ITGBL1: variants seen among roughly 807,000 people sequenced by gnomAD.
The protein encoded by ITGBL1 is integrin subunit beta like 1.
In ITGBL1, 51 loss-of-function variants were observed where a neutral mutation model predicts 68.5. The ratio of observed to expected loss-of-function variants is 0.74; its 90% CI spans 0.59 to 0.94. The LOEUF is 0.94. Among genes scored for constraint, ITGBL1 ranks in the 40% least tolerant of loss-of-function variants. The pLI is 0.00. For missense variants in ITGBL1, 649 were observed against 647.4 expected, an observed-to-expected ratio of 1.00 and a Z score of -0.03; for synonymous variants, 209 against 227.3, an observed-to-expected ratio of 0.92 and a Z score of 0.72.
At chr13:101,479,377 C>T (rs984480918) in intron 2 of ITGBL1, among the ~76,000 whole-genome samples, 13 of 152,006 alleles carry the variant, frequency 8.6e-5, no homozygotes, top group African/African-American at 2.9e-4. Context: ...GTTGAGGAAA[C>T]TCTCTAGGAC....
intron 2 of ITGBL1, among the ~76,000 whole-genome samples, chr13:101,486,566 C>T (rs7325940): frequency 0.24 from 36,486 of 151,944 alleles, 4,840 homozygotes; most frequent in East Asian, 0.47. Flanking sequence ...TGGGGAAAAA[C>T]ACAGGAGAGC....
chr13:101,705,944 G>C (rs1004716889), intron 8 of ITGBL1, among the ~76,000 whole-genome samples: 1 of 152,226 alleles, frequency 6.6e-6, no homozygotes, highest in African/African-American at 2.4e-5. Flanking sequence ...GATTCAGAGA[G>C]ACCCTGCTGT....
intron 7 of ITGBL1, among the ~76,000 whole-genome samples, chr13:101,600,795 A>G (rs559603301): frequency 2.2e-4 from 34 of 152,250 alleles, no homozygotes; most frequent in African/African-American, 8.2e-4. Context: ...AGCCCACTTG[A>G]TCATAGTGGA....
chr13:101,656,924 C>T (rs550339136), intron 7 of ITGBL1, among the ~76,000 whole-genome samples: 3 of 151,408 alleles, frequency 2.0e-5, no homozygotes, highest in African/African-American at 7.3e-5. Context: ...GACTGTGTTC[C>T]CAGTATTGCT....
At chr13:101,584,945 G>A (rs2050526546) in intron 6 of ITGBL1, among the ~76,000 whole-genome samples, 1 of 151,818 alleles carries the variant, frequency 6.6e-6, no homozygotes, top group Admixed American at 6.6e-5. Context: ...AGGCTTGCAG[G>A]TAAAGAAAGA....
At chr13:101,524,671 CA>C (rs2049343788) in intron 2 of ITGBL1, among the ~76,000 whole-genome samples, 1 of 117,880 alleles carries the variant, frequency 8.5e-6, no homozygotes, top group Admixed American at 9.3e-5. Flanking sequence ...TTTTTTTTTG[CA>C]AATATTCCTG....
At chr13:101,499,245 A>G (rs1345118716) in intron 2 of ITGBL1, among the ~76,000 whole-genome samples, 1 of 152,184 alleles carries the variant, frequency 6.6e-6, no homozygotes, top group Non-Finnish European at 1.5e-5. Context: ...TTTGCCACAT[A>G]TACTTTTCTT....
intron 2 of ITGBL1, among the ~76,000 whole-genome samples, chr13:101,485,015 G>A (rs2152321): frequency 0.88 from 133,613 of 152,198 alleles, 58,806 homozygotes; most frequent in East Asian, 0.99. Context: ...ACAGAGGAAC[G>A]AAAATAAGGA....
rs566477883 is a variant in ITGBL1 at position 101,643,270 on chromosome 13, G to A, written c.1015+44971G>A. Among the ~76,000 whole-genome samples the A allele has an allele frequency of 2.3e-4, 35 of 149,280 alleles. 2 individuals carry two copies. In the South Asian group the frequency reaches 7.1e-3, roughly 30 times the overall value. ...AGTGGTTTGTAGTTCTCCTTGAAGA[G>A]GTCCTTCACGTCCCTTGTAAGTTGG... is the stretch of plus-strand genomic sequence containing the variant. On this transcript the variant is annotated intron_variant, in intron 7 of 10. Transcript: ENST00000376180.
At chr13:101,653,175 A>T (rs1322012761) in intron 7 of ITGBL1, among the ~76,000 whole-genome samples, 2 of 150,590 alleles carry the variant, frequency 1.3e-5, no homozygotes, top group African/African-American at 4.9e-5. Flanking sequence ...CAAAGAAGAG[A>T]AGAAGAGGAG....
At chr13:101,665,093 T>C (rs2139486962) in intron 7 of ITGBL1, among the ~76,000 whole-genome samples, 1 of 152,304 alleles carries the variant, frequency 6.6e-6, no homozygotes, top group South Asian at 2.1e-4. Context: ...TTGACATCTG[T>C]CCACCAATTT....
intron 7 of ITGBL1, among the ~76,000 whole-genome samples, chr13:101,604,908 A>G (rs2030635977): frequency 8.0e-6 from 1 of 125,472 alleles, no homozygotes; most frequent in Non-Finnish European, 1.7e-5. Context: ...ACACATATAT[A>G]TGTGCATATA....
chr13:101,571,053 A>G (rs1362070107), intron 3 of ITGBL1, among the ~76,000 whole-genome samples: 1 of 152,148 alleles, frequency 6.6e-6, no homozygotes, highest in African/African-American at 2.4e-5. Context: ...ATACATGCAT[A>G]TTTTAGAAAT....
intron 3 of ITGBL1, among the ~76,000 whole-genome samples, chr13:101,572,724 C>T (rs183017374): frequency 1.2e-4 from 18 of 152,052 alleles, no homozygotes; most frequent in African/African-American, 3.4e-4. Flanking sequence ...CCACATCAGC[C>T]GGGAATGTTT....
intron 7 of ITGBL1, among the ~76,000 whole-genome samples, chr13:101,607,688 C>T (rs991116609): frequency 6.6e-6 from 1 of 151,940 alleles, no homozygotes; most frequent in African/African-American, 2.4e-5. Flanking sequence ...TACAGGTGTG[C>T]TCTCCTGCCG....
At chr13:101,589,230 G>C (rs1420180580) in intron 6 of ITGBL1, among the ~76,000 whole-genome samples, 1 of 152,094 alleles carries the variant, frequency 6.6e-6, no homozygotes. Context: ...ATTATGGTAG[G>C]CTAGAATTAT....
intron 7 of ITGBL1, among the ~76,000 whole-genome samples, chr13:101,672,438 G>A (rs1429709392): frequency 4.6e-5 from 7 of 152,216 alleles, no homozygotes; most frequent in Non-Finnish European, 7.4e-5. Context: ...CCAATAGGAA[G>A]AAACTACCTG....
At chr13:101,459,277 T>C (rs1413747447) in intron 2 of ITGBL1, among the ~76,000 whole-genome samples, 1 of 152,226 alleles carries the variant, frequency 6.6e-6, no homozygotes, top group African/African-American at 2.4e-5. Context: ...GTTGTTAACC[T>C]TGAGCCAGGT....
At chr13:101,592,914 A>G (rs2050679443) in intron 6 of ITGBL1, among the ~76,000 whole-genome samples, 1 of 152,112 alleles carries the variant, frequency 6.6e-6, no homozygotes, top group Non-Finnish European at 1.5e-5. Flanking sequence ...AAATAGATAA[A>G]TGGAAGGACA....
Sources: gnomAD v4.1 joint callset for allele counts (sites outside exome capture counted in the v4.1 genomes callset) on GRCh38, gnomAD v4.1.1 for gene constraint, MANE v1.5 for transcripts, NCBI Gene and HGNC (gene_info 2026-07-23, HGNC 2026-07-21) for gene names.